SETD7: variants seen among roughly 807,000 people sequenced by gnomAD.
SETD7 encodes histone-lysine N-methyltransferase SETD7.
A neutral mutation model predicts 41.8 loss-of-function variants in SETD7; 16 were observed. The ratio of observed to expected loss-of-function variants is 0.38; its 90% CI spans 0.26 to 0.58. The LOEUF (loss-of-function observed/expected upper bound fraction) is 0.58, where lower values mean the gene tolerates loss of function less well. Among genes scored for constraint, SETD7 ranks in the 20% least tolerant of loss-of-function variants. SETD7 has a pLI of 0.64. For missense variants in SETD7, 346 were observed against 459.7 expected, an observed-to-expected ratio of 0.75 and a Z score of 2.26; for synonymous variants, 163 against 169.7, an observed-to-expected ratio of 0.96 and a Z score of 0.31.
chr4:139,498,922 C>T (rs940421507), intron 7 of SETD7, among the ~76,000 whole-genome samples: 1 of 152,202 alleles, frequency 6.6e-6, no homozygotes, highest in Non-Finnish European at 1.5e-5. Context: ...ACCAGCCTGG[C>T]CAACATGGTG....
rs145996640 is a variant in SETD7 at position 139,531,106 on chromosome 4, A to C, written c.373-1886T>G. On this transcript the variant is annotated intron_variant, in intron 3 of 7. Coordinates refer to ENST00000274031, the MANE Select transcript of SETD7 (RefSeq NM_030648.4). ...ACTGACACCCATTTCTCTACTGGGT[A>C]GGGGTTAAGAGGACAAAGGCTGCTT... Among the ~76,000 whole-genome samples the C allele has an allele frequency of 4.8e-4, 73 of 152,310 alleles. No homozygotes were observed. In the East Asian group the frequency reaches 0.013, roughly 27 times the overall value.
chr4:139,533,889 T>C (rs550734301), intron 2 of SETD7, among the ~76,000 whole-genome samples: 50 of 152,374 alleles, frequency 3.3e-4, no homozygotes, highest in African/African-American at 1.2e-3. Flanking sequence ...ATAGCCGTAA[T>C]TGGTATCCAG....
intron 5 of SETD7, among the ~76,000 whole-genome samples, chr4:139,521,453 T>C (rs1163675685): frequency 6.6e-6 from 1 of 151,544 alleles, no homozygotes; most frequent in Non-Finnish European, 1.5e-5. Context: ...AAAGCGCTCA[T>C]AATTACGGAA....
Position 139,497,720 on chromosome 4 carries a change from G to T in SETD7, c.921-1199C>A, listed in dbSNP as rs564803973. On this transcript the variant is annotated intron_variant, in intron 7 of 7. Transcript: ENST00000506866. ...TTCTCCTGCCTCAGCCTCCTGAGTAGCTGGGATTACAGGCGGCGCCTGCCA... is the reference window on the plus strand; with the variant it reads ...TTCTCCTGCCTCAGCCTCCTGAGTATCTGGGATTACAGGCGGCGCCTGCCA... 3.3e-5 allele frequency among the ~76,000 whole-genome samples: 5 copies of T among 151,840 alleles called. No individual in the cohort carries two copies. In the South Asian group the frequency reaches 6.2e-4, roughly 19 times the overall value.
intron 6 of SETD7, among the ~76,000 whole-genome samples, chr4:139,518,887 C>T (rs373942396): frequency 5.3e-5 from 8 of 152,232 alleles, no homozygotes; most frequent in African/African-American, 1.9e-4. Context: ...ACCCCAGGAG[C>T]TGGTGATGAC....
intron 7 of SETD7, among the ~76,000 whole-genome samples, chr4:139,513,227 C>T (rs1726929133): frequency 6.6e-6 from 1 of 151,558 alleles, no homozygotes; most frequent in Non-Finnish European, 1.5e-5. Context: ...GGAGACCAGC[C>T]TGGCCAATGT....
At chr4:139,513,702 T>A (rs1237731357) in intron 7 of SETD7, among the ~76,000 whole-genome samples, 2 of 152,240 alleles carry the variant, frequency 1.3e-5, no homozygotes, top group Non-Finnish European at 2.9e-5. Flanking sequence ...AAAGTTCACC[T>A]TATATCTCTG....
chr4:139,493,715 T>C (rs1331687908), downstream of SETD7, among the ~76,000 whole-genome samples: 2 of 152,144 alleles, frequency 1.3e-5, no homozygotes, highest in South Asian at 2.1e-4. Context: ...ACTTTTTGTA[T>C]TTTTTGTAGA....
rs138296726 is a variant in SETD7 at position 139,529,389 on chromosome 4, C to T, written c.373-169G>A. The stretch of plus-strand genomic sequence containing the variant: ...TGGGTAAGAAAAACATGATGCATAG[C>T]TCCTCATCCAGCTCCATACAAATAT... On this transcript the variant is annotated intron_variant, in intron 3 of 7. Transcript: ENST00000274031. 1.5e-3 allele frequency among the ~76,000 whole-genome samples: 232 copies of T among 152,296 alleles called. 2 individuals carry two copies. The highest frequency in any genetic ancestry group is 5.3e-3 in the African/African-American group (221 of 41,560).
rs1415229720 is a variant in SETD7 at position 139,507,402 on chromosome 4, T to C, written c.*4261A>G. The C allele has an allele frequency of 6.6e-6, 1 of 152,582 alleles. No homozygotes were observed. The highest frequency in any genetic ancestry group is 2.4e-5 in the African/African-American group (1 of 41,454). 9.5% of individuals were successfully genotyped at this position (152,582 alleles called of 1,614,324 possible). A position where few individuals can be genotyped will look rare whatever the true frequency, so the allele number is the denominator to read the frequency against. On this transcript the variant is annotated 3_prime_UTR_variant, in exon 8 of 8. Coordinates refer to ENST00000274031, the MANE Select transcript of SETD7 (RefSeq NM_030648.4). ...GTCAGGTGCAACAACGCCGAGGAAG[T>C]TGCTGAGAGTCAGAGTTATTGTAGG...
rs1318975195 is a variant in SETD7 at position 139,510,621 on chromosome 4, ACT to A, written c.*1040_*1041del. 1 of 152,184 alleles carries A rather than the reference ACT, an allele frequency of 6.6e-6. No homozygotes were observed. The highest frequency in any genetic ancestry group is 2.4e-5 in the African/African-American group (1 of 41,448). The allele number at this position is 152,184 out of a possible 1,614,324, so 9.4% of individuals were successfully genotyped here. On this transcript the variant is annotated 3_prime_UTR_variant, in exon 8 of 8. Coordinates refer to ENST00000274031, the MANE Select transcript of SETD7 (RefSeq NM_030648.4). ...TAATCAGTGTGTCTGCCTTAGTAGT[ACT>A]GACTAAAAAAATTTTTTTTTGAATT...
chr4:139,556,204 C>T lies in SETD7; in HGVS notation c.-67G>A. 1 of 1,522,444 alleles carries T rather than the reference C, an allele frequency of 6.6e-7. No homozygotes were observed. 94.3% of individuals were successfully genotyped at this position (1,522,444 alleles called of 1,614,324 possible). On this transcript the variant is annotated 5_prime_UTR_variant, in exon 1 of 8. Coordinates refer to ENST00000274031, the MANE Select transcript of SETD7 (RefSeq NM_030648.4). ...CTCCCGTCCCTCTGGGTGCTCCCGG[C>T]GGCTGAGCGAGCTCTGGGGCTCGCG...
At chr4:139,496,216 G>T in exon 8 of SETD7, 1 of 499,032 alleles carries the variant, frequency 2.0e-6, no homozygotes, top group South Asian at 3.4e-5. Flanking sequence ...GATTTCTCTG[G>T]CACAACTTAT....
chr4:139,518,118 C>A, intron 6 of SETD7, 76 bp from the exon 7 acceptor site: 1 of 1,404,694 alleles, frequency 7.1e-7, no homozygotes, highest in Non-Finnish European at 9.5e-7. Flanking sequence ...GATATTAACT[C>A]ATTTATCTTA....
At chr4:139,502,997 G>T (rs112511327), downstream of SETD7, among the ~76,000 whole-genome samples, 1,323 of 151,980 alleles carry the variant, frequency 8.7e-3, 17 homozygotes, top group African/African-American at 0.03. Context: ...AGACTGGGCG[G>T]TGAAACCCTG....
downstream of SETD7, among the ~76,000 whole-genome samples, chr4:139,502,415 A>G (rs1726599665): frequency 1.3e-5 from 2 of 152,224 alleles, no homozygotes; most frequent in South Asian, 2.1e-4. Flanking sequence ...GTCCTCATGC[A>G]GCAAAGACTT....
chr4:139,526,164 C>T (rs1408450961), intron 4 of SETD7, among the ~76,000 whole-genome samples: 2 of 152,098 alleles, frequency 1.3e-5, no homozygotes, highest in African/African-American at 4.8e-5. Context: ...GGTTCTTGTG[C>T]CTCAGCCTCC....
intron 2 of SETD7, among the ~76,000 whole-genome samples, chr4:139,542,586 G>C (rs1029131706): frequency 1.3e-5 from 2 of 151,694 alleles, no homozygotes; most frequent in Non-Finnish European, 2.9e-5. Flanking sequence ...AATATGTTTA[G>C]TTAAGATGTG....
chr4:139,501,403 AG>A (rs1307647600), downstream of SETD7, among the ~76,000 whole-genome samples: 3 of 119,590 alleles, frequency 2.5e-5, no homozygotes, highest in African/African-American at 9.5e-5. Context: ...AGGCATTCAG[AG>A]TGACATAATG....
Sources: allele counts gnomAD v4.1 joint callset (sites outside exome capture counted in the v4.1 genomes callset), GRCh38; gene constraint gnomAD v4.1.1; transcripts MANE v1.5; gene names NCBI Gene and HGNC (gene_info 2026-07-23, HGNC 2026-07-21).